BBS9: variants seen among roughly 807,000 people sequenced by gnomAD.
BBS9 encodes the protein protein PTHB1.
Under a neutral mutation model 117.7 loss-of-function variants are expected in BBS9, and 89 were observed. That is an observed-to-expected ratio of 0.76 (90% CI 0.64 to 0.90). BBS9 has a LOEUF of 0.90. Among genes scored for constraint, BBS9 ranks in the 40% least tolerant of loss-of-function variants. BBS9 has a pLI of 0.00. For missense variants in BBS9, 982 were observed against 1,042.2 expected, an observed-to-expected ratio of 0.94 and a Z score of 0.80; for synonymous variants, 379 against 370.9, an observed-to-expected ratio of 1.02 and a Z score of -0.25.
chr7:33,559,554 A>C (rs1490916151), intron 21 of BBS9, among the ~76,000 whole-genome samples: 4 of 152,290 alleles, frequency 2.6e-5, no homozygotes, highest in Non-Finnish European at 5.9e-5. Flanking sequence ...TGTCTTGGGA[A>C]TATGAGACTT....
In BBS9 at chr7:33,367,768, T is replaced by C; in HGVS notation, c.1695T>C (p.Gly565=). ...SPVSLLSLFP[G]FASQSDDDQV... The stretch of plus-strand genomic sequence containing the variant: ...GTGATTTCTCTCTTTTCTTTGTAGG[T>C]TTTGCCAGTCAGTCAGATGATGATC... Residue 565 remains glycine, a splice_region_variant and synonymous_variant, in exon 17 of 23, where the codon GGT becomes GGC. Transcript: ENST00000242067. 1 of 1,613,654 alleles carries C rather than the reference T, an allele frequency of 6.2e-7. No individual in the cohort carries two copies.
At chr7:33,628,078 T>A (rs1865725445) in intron 21 of BBS9, among the ~76,000 whole-genome samples, 1 of 152,160 alleles carries the variant, frequency 6.6e-6, no homozygotes, top group South Asian at 2.1e-4. Context: ...CACTGGAGAA[T>A]TTTGTCAAAG....
At chr7:33,546,355 A>G (rs528684488) in intron 21 of BBS9, among the ~76,000 whole-genome samples, 1 of 152,332 alleles carries the variant, frequency 6.6e-6, no homozygotes, top group South Asian at 2.1e-4. Context: ...TGATATTGGT[A>G]TGTACACAAT....
intron 21 of BBS9, among the ~76,000 whole-genome samples, chr7:33,537,981 A>G (rs973229769): frequency 6.6e-6 from 1 of 152,224 alleles, no homozygotes; most frequent in Non-Finnish European, 1.5e-5. Flanking sequence ...AATAATATAG[A>G]TAAGTGACGG....
chr7:33,373,055 A>G (rs1239526768), intron 17 of BBS9, among the ~76,000 whole-genome samples: 2 of 150,712 alleles, frequency 1.3e-5, no homozygotes, highest in African/African-American at 2.4e-5. Context: ...GGTTTGTTCA[A>G]TTTTCTTTAT....
At chr7:33,565,811 ATAT>A (rs1856798654) in intron 21 of BBS9, among the ~76,000 whole-genome samples, 1 of 67,018 alleles carries the variant, frequency 1.5e-5, no homozygotes, top group Non-Finnish European at 2.9e-5. Flanking sequence ...ATATATATAT[ATAT>A]ATATATATAT....
intron 19 of BBS9, among the ~76,000 whole-genome samples, chr7:33,449,517 C>T (rs2128913047): frequency 6.6e-6 from 1 of 152,200 alleles, no homozygotes; most frequent in African/African-American, 2.4e-5. Flanking sequence ...GGACAGATGA[C>T]TTCCTGTGTG....
chr7:33,514,524 C>T (rs958983551), intron 20 of BBS9, among the ~76,000 whole-genome samples: 29 of 152,238 alleles, frequency 1.9e-4, no homozygotes, highest in African/African-American at 7.0e-4. Context: ...GGAGCTGTTA[C>T]AGGGAGTTTC....
intron 19 of BBS9, among the ~76,000 whole-genome samples, chr7:33,453,933 G>A (rs1838268180): frequency 6.6e-6 from 1 of 152,168 alleles, no homozygotes; most frequent in African/African-American, 2.4e-5. Context: ...TCAAGAGTAA[G>A]CAATTAGTAG....
intron 21 of BBS9, among the ~76,000 whole-genome samples, chr7:33,564,136 A>C (rs990691804): frequency 2.6e-5 from 4 of 152,122 alleles, no homozygotes; most frequent in Admixed American, 2.6e-4. Context: ...TTATTGGCAA[A>C]TTGGAGAGAG....
At chr7:33,573,352 T>C (rs1394412228) in intron 21 of BBS9, among the ~76,000 whole-genome samples, 3 of 152,144 alleles carry the variant, frequency 2.0e-5, no homozygotes, top group Non-Finnish European at 4.4e-5. Context: ...GTTTATGATT[T>C]GTTTGCTCTT....
chr7:33,299,795 A>G (rs1371248056), intron 9 of BBS9, among the ~76,000 whole-genome samples: 3 of 152,110 alleles, frequency 2.0e-5, no homozygotes, highest in East Asian at 3.9e-4. Context: ...CAGATGAGAT[A>G]AGAGACGCTT....
At chr7:33,437,488 C>A (rs528977506) in intron 19 of BBS9, among the ~76,000 whole-genome samples, 3 of 152,120 alleles carry the variant, frequency 2.0e-5, no homozygotes, top group Non-Finnish European at 4.4e-5. Context: ...CACATAAATT[C>A]TTTACCTGGA....
At chr7:33,164,652 C>T (rs1168520352) in intron 4 of BBS9, among the ~76,000 whole-genome samples, 1 of 152,072 alleles carries the variant, frequency 6.6e-6, no homozygotes, top group East Asian at 1.9e-4. Flanking sequence ...AGGATTGCAA[C>T]CCCTGCTTTT....
chr7:33,332,533 T>C (rs1248983550), intron 9 of BBS9, among the ~76,000 whole-genome samples: 2 of 151,842 alleles, frequency 1.3e-5, no homozygotes, highest in Non-Finnish European at 2.9e-5. Flanking sequence ...AAAAATTAGC[T>C]GGGTGTGGTG....
At chr7:33,307,146 A>G (rs1808192805) in intron 9 of BBS9, among the ~76,000 whole-genome samples, 1 of 152,180 alleles carries the variant, frequency 6.6e-6, no homozygotes, top group African/African-American at 2.4e-5. Flanking sequence ...ATTTGCCTTT[A>G]AAGTATCACT....
At position 33,605,235 on chromosome 7, in the gene BBS9, G is replaced by A. The variant is rs373329316; in HGVS notation, c.*9G>A. On this transcript the variant is annotated 3_prime_UTR_variant, in exon 23 of 23. Coordinates refer to ENST00000242067, the MANE Select transcript of BBS9 (RefSeq NM_198428.3). Reference sequence around the variant, plus strand: ...AAGGAGTCTCGGAATAATTCAAGTAGAGTTGTTTGGTTGAGAGGAACATCC... The same window carrying A: ...AAGGAGTCTCGGAATAATTCAAGTAAAGTTGTTTGGTTGAGAGGAACATCC... 1 of 1,612,050 alleles carries A rather than the reference G, an allele frequency of 6.2e-7. No homozygotes were observed. Among genetic ancestry groups the A allele is most frequent in the Non-Finnish European group, 8.5e-7 (1 of 1,178,184 alleles).
chr7:33,383,925 C>T (rs1825548424), intron 18 of BBS9, 87 bp downstream of exon 18: 2 of 1,360,968 alleles, frequency 1.5e-6, no homozygotes, highest in Admixed American at 2.0e-5. Flanking sequence ...GTATGCATGC[C>T]ATTAGGCTAT....
chr7:33,403,189 G>A (rs1208679248), intron 19 of BBS9, among the ~76,000 whole-genome samples: 1 of 151,464 alleles, frequency 6.6e-6, no homozygotes, highest in Non-Finnish European at 1.5e-5. Flanking sequence ...TATGGATCCT[G>A]TCACCCAGGT....
Sources: allele counts gnomAD v4.1 joint callset (sites outside exome capture counted in the v4.1 genomes callset), GRCh38; gene constraint gnomAD v4.1.1; transcripts MANE v1.5; gene names NCBI Gene and HGNC (gene_info 2026-07-23, HGNC 2026-07-21).